Variants in TDRD3 observed in about 807,000 individuals in gnomAD.
The protein encoded by TDRD3 is tudor domain-containing protein 3.
Under a neutral mutation model 86.7 loss-of-function variants are expected in TDRD3, and 45 were observed. That is an observed-to-expected ratio of 0.52 (90% CI 0.41 to 0.67). The LOEUF (loss-of-function observed/expected upper bound fraction) is 0.67, where lower values mean the gene tolerates loss of function less well. Among genes scored for constraint, TDRD3 ranks in the 30% least tolerant of loss-of-function variants. The probability of loss-of-function intolerance (pLI) is 0.00; values close to 1 mark genes in which losing one functional copy is unlikely to be tolerated. For missense variants in TDRD3, 814 were observed against 889.0 expected, an observed-to-expected ratio of 0.92 and a Z score of 1.07; for synonymous variants, 298 against 301.7, an observed-to-expected ratio of 0.99 and a Z score of 0.13.
chr13:60,505,427 G>T (rs1349322990), intron 8 of TDRD3, among the ~76,000 whole-genome samples: 2 of 152,158 alleles, frequency 1.3e-5, no homozygotes, highest in African/African-American at 2.4e-5. Flanking sequence ...TCAAAGAAAG[G>T]CAGATGCCTC....
rs956657700 is a variant in TDRD3, at chr13:60,397,482, G to A, written c.41+77G>A. 7.8e-6 allele frequency: 10 copies of A among 1,289,954 alleles called. No individual in the cohort carries two copies. In the African/African-American group the frequency reaches 1.6e-4, roughly 20 times the overall value. 79.9% of individuals were successfully genotyped at this position (1,289,954 alleles called of 1,614,324 possible). ...CAGGGAGGTTGGGTTGGGGGCGGCG[G>A]GGTGCGTGTCGGGGTAGGCGGAGGC... On this transcript the variant is annotated intron_variant, in intron 1 of 13. Transcript: ENST00000377881.
chr13:60,502,346 CAATT>C lies in TDRD3; in HGVS notation c.859-7413_859-7410del, dbSNP rs912875138. 2.9e-4 allele frequency among the ~76,000 whole-genome samples: 44 copies of C among 152,120 alleles called. 1 individual carries two copies. Among genetic ancestry groups the C allele is most frequent in the Non-Finnish European group, 2.5e-4 (17 of 68,002 alleles). On this transcript the variant is annotated intron_variant, in intron 8 of 13. Transcript: ENST00000377881. ...AATGTCAACAAAATAAACTAAAAAA[CAATT>C]AATGAGACTGGAATTTAATGACAAA...
chr13:60,437,121 C>CTTTTTTTT (rs528500199), intron 1 of TDRD3, among the ~76,000 whole-genome samples: 10 of 73,786 alleles, frequency 1.4e-4, no homozygotes, highest in South Asian at 5.9e-4. Flanking sequence ...ATAAATTAAA[C>CTTTTTTTT]TTTTTTTTTT....
At chr13:60,401,717 A>G (rs553220197) in intron 1 of TDRD3, among the ~76,000 whole-genome samples, 1 of 152,264 alleles carries the variant, frequency 6.6e-6, no homozygotes, top group African/African-American at 2.4e-5. Context: ...TGGGATGGAG[A>G]GGATAAACAA....
intron 5 of TDRD3, among the ~76,000 whole-genome samples, chr13:60,474,172 G>A (rs747266808): frequency 7.2e-5 from 11 of 152,286 alleles, no homozygotes; most frequent in East Asian, 1.9e-4. Flanking sequence ...AAATAATGGC[G>A]TAAGCTGTCC....
intron 12 of TDRD3, among the ~76,000 whole-genome samples, chr13:60,555,286 G>A (rs1958158348): frequency 6.6e-6 from 1 of 152,112 alleles, no homozygotes; most frequent in Non-Finnish European, 1.5e-5. Context: ...ACTTACTGAG[G>A]TAAAGTAGTA....
chr13:60,431,778 GA>G (rs1207502823), intron 1 of TDRD3, among the ~76,000 whole-genome samples: 1 of 143,290 alleles, frequency 7.0e-6, no homozygotes, highest in African/African-American at 2.5e-5. Flanking sequence ...ACTAAAAACT[GA>G]AAAAATAATG....
rs201579691 is a variant in TDRD3, at chr13:60,430,526, T to C, written c.42-9162T>C. 7.2e-5 allele frequency among the ~76,000 whole-genome samples: 11 copies of C among 152,132 alleles called. No homozygotes were observed. In the East Asian group the frequency reaches 1.2e-3, roughly 16 times the overall value. ...GCTTCTGAATTAATGTATGAAAATATAGAATTAGAGGAAGGCTGTAAATTA... is the reference window on the plus strand; with the variant it reads ...GCTTCTGAATTAATGTATGAAAATACAGAATTAGAGGAAGGCTGTAAATTA... On this transcript the variant is annotated intron_variant, in intron 1 of 13. Transcript: ENST00000377881.
intron 12 of TDRD3, among the ~76,000 whole-genome samples, chr13:60,559,263 C>T (rs1278360502): frequency 1.3e-5 from 2 of 152,076 alleles, no homozygotes; most frequent in African/African-American, 2.4e-5. Flanking sequence ...AGATTAGTAA[C>T]GTGCCTATGA....
chr13:60,548,579 G>A (rs990027133), intron 12 of TDRD3, among the ~76,000 whole-genome samples: 3 of 151,858 alleles, frequency 2.0e-5, no homozygotes, highest in African/African-American at 7.3e-5. Context: ...GTTTTTTTAA[G>A]CCTTGAACCA....
intron 10 of TDRD3, among the ~76,000 whole-genome samples, chr13:60,525,105 A>AC (rs1662175672): frequency 1.3e-5 from 2 of 149,372 alleles, no homozygotes; most frequent in Admixed American, 6.7e-5. Flanking sequence ...AAAAAAAAAA[A>AC]AAAACCCCAC....
intron 12 of TDRD3, among the ~76,000 whole-genome samples, chr13:60,560,914 A>G (rs1451873425): frequency 2.0e-5 from 3 of 152,050 alleles, no homozygotes; most frequent in African/African-American, 7.2e-5. Context: ...TTTGGATCTG[A>G]TTTTTCTTTT....
At chr13:60,570,170 C>T (rs533863166) in intron 13 of TDRD3, among the ~76,000 whole-genome samples, 1 of 152,140 alleles carries the variant, frequency 6.6e-6, no homozygotes, top group African/African-American at 2.4e-5. Flanking sequence ...ATCCATCTGA[C>T]AAGCGCTTAA....
intron 12 of TDRD3, chr13:60,535,647 TAAA>T: frequency 6.5e-6 from 1 of 154,186 alleles, no homozygotes; most frequent in African/African-American, 2.4e-5. Flanking sequence ...CAGGTAAAAT[TAAA>T]AAAAACACTT....
At position 60,521,370 on chromosome 13, in the gene TDRD3, C is replaced by T. The variant is rs140978375; in HGVS notation, c.1142-6997C>T. ...GTGCCACCTATTTGCCTGATTCTGT[C>T]GTAGCTAAGCACTGGAGAAAACAAT... On this transcript the variant is annotated intron_variant, in intron 10 of 13. Coordinates refer to ENST00000377881, the MANE Select transcript of TDRD3 (RefSeq NM_001146070.2). Among the ~76,000 whole-genome samples the T allele has an allele frequency of 2.6e-3, 401 of 152,040 alleles. 2 individuals carry two copies. Among genetic ancestry groups the T allele is most frequent in the African/African-American group, 8.9e-3 (370 of 41,482 alleles).
chr13:60,573,035 C>G (rs1194170194), intron 13 of TDRD3, among the ~76,000 whole-genome samples: 1 of 152,188 alleles, frequency 6.6e-6, no homozygotes, highest in African/African-American at 2.4e-5. Flanking sequence ...TGCCTAAGCA[C>G]GCTGTCATGC....
intron 4 of TDRD3, among the ~76,000 whole-genome samples, chr13:60,463,174 A>C (rs1955838515): frequency 6.6e-6 from 1 of 152,068 alleles, no homozygotes; most frequent in Admixed American, 6.5e-5. Flanking sequence ...AGGCGGGCGG[A>C]TCACCTGAGA....
At position 60,506,966 on chromosome 13, in the gene TDRD3, C is replaced by T. The variant is rs375901159; in HGVS notation, c.859-2797C>T. 6.6e-5 allele frequency among the ~76,000 whole-genome samples: 10 copies of T among 152,130 alleles called. No individual in the cohort carries two copies. In the East Asian group the frequency reaches 7.7e-4, roughly 12 times the overall value. On this transcript the variant is annotated intron_variant, in intron 8 of 13. Transcript: ENST00000377881. ...TGCTGTATTCAGGAGACCCATCTCA[C>T]GTGCAAAGACACACATAGGCTCAAA... is the stretch of plus-strand genomic sequence containing the variant.
intron 5 of TDRD3, among the ~76,000 whole-genome samples, chr13:60,475,813 A>G (rs946212652): frequency 4.0e-5 from 6 of 151,760 alleles, no homozygotes; most frequent in African/African-American, 1.2e-4. Flanking sequence ...CATTTTTTTC[A>G]TATGTTTGTT....
Sources: gnomAD v4.1 joint callset for allele counts (sites outside exome capture counted in the v4.1 genomes callset) on GRCh38, gnomAD v4.1.1 for gene constraint, MANE v1.5 for transcripts, NCBI Gene and HGNC (gene_info 2026-07-23, HGNC 2026-07-21) for gene names.